CR1: variants seen among roughly 807,000 people sequenced by gnomAD.
CR1 encodes complement C3b/C4b receptor 1 (Knops blood group), also known as complement receptor type 1.
In CR1, 116 loss-of-function variants were observed where a neutral mutation model predicts 187.3. The observed-to-expected ratio is 0.62, with a 90% confidence interval of 0.53 to 0.72. CR1 has a LOEUF of 0.72. Among genes scored for constraint, CR1 ranks in the 30% least tolerant of loss-of-function variants. The probability of loss-of-function intolerance (pLI) is 0.00; values close to 1 mark genes in which losing one functional copy is unlikely to be tolerated. For synonymous variants in CR1, 576 were observed against 747.1 expected, an observed-to-expected ratio of 0.77 and a Z score of 3.73; for missense variants, 1,731 against 2,110.7, an observed-to-expected ratio of 0.82 and a Z score of 3.52.
intron 35 of CR1, among the ~76,000 whole-genome samples, chr1:207,590,900 T>C (rs1213351208): frequency 6.6e-6 from 1 of 152,310 alleles, no homozygotes; most frequent in Non-Finnish European, 1.5e-5. Flanking sequence ...CAAGAAGAGC[T>C]AACTATCCTA....
intron 29 of CR1, 26 bp downstream of exon 29, chr1:207,578,229 G>A (rs781728384): frequency 1.2e-6 from 2 of 1,611,638 alleles, no homozygotes; most frequent in African/African-American, 2.7e-5. Flanking sequence ...GCCTAGAAGG[G>A]CCCTGCCAGT....
At chr1:207,624,075 G>A (rs1331063477) in intron 45 of CR1, among the ~76,000 whole-genome samples, 1 of 151,472 alleles carries the variant, frequency 6.6e-6, no homozygotes, top group Non-Finnish European at 1.5e-5. Flanking sequence ...ACAGCCATAC[G>A]CCACTACACC....
At chr1:207,511,933 C>T (rs1347311964) in intron 4 of CR1, among the ~76,000 whole-genome samples, 2 of 151,948 alleles carry the variant, frequency 1.3e-5, no homozygotes, top group Admixed American at 1.3e-4. Context: ...TTGTTTCTAC[C>T]ACCTCCAGTA....
intron 46 of CR1, among the ~76,000 whole-genome samples, chr1:207,631,685 A>G (rs759324899): frequency 2.6e-5 from 4 of 151,346 alleles, no homozygotes; most frequent in Non-Finnish European, 5.9e-5. Flanking sequence ...CAAATTCAAA[A>G]CTCCATTTTT....
At position 207,616,762 on chromosome 1, in the gene CR1, G is replaced by C; in HGVS notation, c.6849G>C (p.Trp2283Cys). 1 of 1,613,962 alleles carries C rather than the reference G, an allele frequency of 6.2e-7. No homozygotes were observed. Among genetic ancestry groups the C allele is most frequent in the Admixed American group, 1.7e-5 (1 of 60,016 alleles). ...GTGACCCTCAAGGGAATGGGGTTTG[G>C]AGCAGCCCTGCCCCTCGCTGTGAAC... is the stretch of plus-strand genomic sequence containing the variant. ...CTSDPQGNGVWSSPAPRCELS... is the reference protein window; with the variant it reads ...CTSDPQGNGVCSSPAPRCELS... Residue 2283 changes from tryptophan to cysteine, a missense_variant, in exon 41 of 47, where the codon TGG becomes TGC. By Grantham distance (215) the Trp-to-Cys change is radical. Transcript: ENST00000367049.
chr1:207,503,581 T>G (rs1225780478), intron 1 of CR1, among the ~76,000 whole-genome samples: 1 of 152,164 alleles, frequency 6.6e-6, no homozygotes, highest in African/African-American at 2.4e-5. Context: ...TCTCTGAATA[T>G]CCTTCTTCTG....
chr1:207,604,889 G>T (rs773296139), intron 35 of CR1, among the ~76,000 whole-genome samples: 6 of 152,094 alleles, frequency 3.9e-5, no homozygotes, highest in Non-Finnish European at 8.8e-5. Flanking sequence ...GTCAAAGGGC[G>T]CAGGGTTTCA....
At chr1:207,567,490 T>C (rs1341794297) in intron 24 of CR1, among the ~76,000 whole-genome samples, 5 of 150,336 alleles carry the variant, frequency 3.3e-5, no homozygotes, top group Non-Finnish European at 5.9e-5. Flanking sequence ...TGACACAGGA[T>C]AAGTGCTCAA....
intron 31 of CR1, among the ~76,000 whole-genome samples, chr1:207,581,653 T>C (rs1185246422): frequency 6.6e-6 from 1 of 152,088 alleles, no homozygotes; most frequent in Non-Finnish European, 1.5e-5. Flanking sequence ...TAAGTAGAAA[T>C]ATTCTAAATT....
chr1:207,519,188 C>A (rs1224322673), intron 4 of CR1, among the ~76,000 whole-genome samples: 1 of 151,632 alleles, frequency 6.6e-6, no homozygotes, highest in Admixed American at 6.6e-5. Context: ...ACTTTCAGCC[C>A]TTCTTTGTCT....
Position 207,588,730 on chromosome 1 carries a change from A to T in CR1, c.5766A>T (p.Thr1922=), listed in dbSNP as rs1366816963. 1 of 1,612,608 alleles carries T rather than the reference A, an allele frequency of 6.2e-7. No homozygotes were observed. Among genetic ancestry groups the T allele is most frequent in the African/African-American group, 1.3e-5 (1 of 74,868 alleles). Residue 1922 remains threonine, a synonymous_variant, in exon 35 of 47, where the codon ACA becomes ACT. Coordinates refer to ENST00000367049, the MANE Select transcript of CR1 (RefSeq NM_000651.6). The stretch of plus-strand genomic sequence containing the variant: ...TCAATGGAATGGTGCATATAAACAC[A>T]GATACACAGTTTGGATCAACAGTTA... The part of the protein sequence containing the change: ...EPFNGMVHIN[T]DTQFGSTVNY...
chr1:207,506,719 T>A lies in CR1; in HGVS notation c.307T>A (p.Ser103Thr), dbSNP rs1558214148. 1 of 1,613,364 alleles carries A rather than the reference T, an allele frequency of 6.2e-7. No homozygotes were observed. Among genetic ancestry groups the A allele is most frequent in the Non-Finnish European group, 8.5e-7 (1 of 1,179,556 alleles). ...ATTCTGTTTCTTTCCTGTAGGTAAATCATGTCGTAATCCTCCAGATCCTGT... is the reference window on the plus strand; with the variant it reads ...ATTCTGTTTCTTTCCTGTAGGTAAAACATGTCGTAATCCTCCAGATCCTGT... ...TGAKDRCRRK[S>T]CRNPPDPVNG... Residue 103 changes from serine to threonine, a missense_variant, in exon 3 of 47, where the codon TCA (serine) becomes ACA (threonine). Coordinates refer to ENST00000367049, the MANE Select transcript of CR1 (RefSeq NM_000651.6).
chr1:207,568,045 T>G lies in CR1; in HGVS notation c.4171+3T>G. On this transcript the variant is annotated splice_donor_region_variant and intron_variant, in intron 25 of 46. Transcript: ENST00000367049. Reference sequence around the variant, plus strand: ...TGCCCCTCGCTGTGGAATTCTGGGTTAGTGCTCATTTCCCCACATCCCTAA... The same window carrying G: ...TGCCCCTCGCTGTGGAATTCTGGGTGAGTGCTCATTTCCCCACATCCCTAA... 1 of 1,610,796 alleles carries G rather than the reference T, an allele frequency of 6.2e-7. No individual in the cohort carries two copies.
At chr1:207,624,719 A>G (rs1222539542) in intron 45 of CR1, among the ~76,000 whole-genome samples, 1 of 152,186 alleles carries the variant, frequency 6.6e-6, no homozygotes, top group East Asian at 1.9e-4. Context: ...TTACAAAAAG[A>G]AAAGGTAAGT....
At chr1:207,524,578 G>C (rs980158357) in intron 5 of CR1, among the ~76,000 whole-genome samples, 3 of 151,950 alleles carry the variant, frequency 2.0e-5, no homozygotes, top group Non-Finnish European at 4.4e-5. Context: ...TGTAGGGATA[G>C]AGTCTCACCA....
At chr1:207,517,209 G>T (rs530927420) in intron 4 of CR1, among the ~76,000 whole-genome samples, 1 of 151,956 alleles carries the variant, frequency 6.6e-6, no homozygotes, top group Non-Finnish European at 1.5e-5. Flanking sequence ...AAAGACAAAC[G>T]CTGAATTCCT....
intron 43 of CR1, among the ~76,000 whole-genome samples, chr1:207,620,850 A>T (rs546353796): frequency 6.6e-6 from 1 of 152,348 alleles, no homozygotes; most frequent in Admixed American, 6.5e-5. Flanking sequence ...GCTGGGACTG[A>T]CAGAAAATTC....
At position 207,524,052 on chromosome 1, in the gene CR1, C is replaced by T. The variant is rs368201059; in HGVS notation, c.886+43C>T. ...CTAGAAGGGCCCTGCCAGTGACATG[C>T]GTTGCTGTTGGATCAGGAGATTAGT... is the stretch of plus-strand genomic sequence containing the variant. On this transcript the variant is annotated intron_variant, in intron 5 of 46. Transcript: ENST00000367049. The T allele has an allele frequency of 9.4e-5, 151 of 1,611,302 alleles. 2 individuals are homozygous for T. The highest frequency in any genetic ancestry group is 4.6e-4 in the South Asian group (42 of 90,986).
intron 3 of CR1, among the ~76,000 whole-genome samples, chr1:207,510,635 A>G (rs1659580491): frequency 6.6e-6 from 1 of 152,182 alleles, no homozygotes; most frequent in African/African-American, 2.4e-5. Context: ...ATACTAATTG[A>G]GAATTGCTGA....
Sources: allele counts gnomAD v4.1 joint callset (sites outside exome capture counted in the v4.1 genomes callset), GRCh38; gene constraint gnomAD v4.1.1; transcripts MANE v1.5; gene names NCBI Gene and HGNC (gene_info 2026-07-23, HGNC 2026-07-21).